TRPS1: variants seen among roughly 807,000 people sequenced by gnomAD.
TRPS1 encodes transcriptional repressor GATA binding 1, also known as zinc finger transcription factor Trps1.
Under a neutral mutation model 101.2 loss-of-function variants are expected in TRPS1, and 6 were observed. The observed-to-expected ratio is 0.06, with a 90% CI of 0.03 to 0.12. TRPS1 has a LOEUF of 0.12. TRPS1 is among the 10% of genes least tolerant of loss of function. The pLI, the probability that TRPS1 is intolerant of heterozygous loss-of-function variation, is 1.00. For missense variants in TRPS1, 1,363 were observed against 1,567.0 expected (o/e 0.87, Z 2.20); for synonymous variants, 578 against 589.8 (o/e 0.98, Z 0.29).
At chr8:115,635,890 A>G (rs1228962109) in intron 1 of TRPS1, among the ~76,000 whole-genome samples, 1 of 152,240 alleles carries the variant, frequency 6.6e-6, no homozygotes, top group Non-Finnish European at 1.5e-5. Context: ...TCCTGAAAAC[A>G]TTAGATAATA....
chr8:115,583,934 T>C (rs1260541519), intron 5 of TRPS1, among the ~76,000 whole-genome samples: 1 of 152,024 alleles, frequency 6.6e-6, no homozygotes, highest in Non-Finnish European at 1.5e-5. Context: ...CTAATGTTAA[T>C]GAAGAGAACA....
intron 5 of TRPS1, among the ~76,000 whole-genome samples, chr8:115,478,540 A>T (rs1814662684): frequency 6.6e-6 from 1 of 152,172 alleles, no homozygotes; most frequent in Non-Finnish European, 1.5e-5. Flanking sequence ...ACAGTGGCTC[A>T]TGCCTGTAAT....
intron 5 of TRPS1, among the ~76,000 whole-genome samples, chr8:115,562,373 T>C (rs1370187208): frequency 6.6e-6 from 1 of 152,068 alleles, no homozygotes; most frequent in African/African-American, 2.4e-5. Context: ...TTAAAGAAGT[T>C]GTTTATTTAA....
At chr8:115,455,576 A>C (rs1159292043) in intron 5 of TRPS1, among the ~76,000 whole-genome samples, 4 of 152,140 alleles carry the variant, frequency 2.6e-5, no homozygotes, top group Non-Finnish European at 4.4e-5. Flanking sequence ...GTGTACATCA[A>C]TGCGTTATTC....
intron 3 of TRPS1, among the ~76,000 whole-genome samples, chr8:115,616,047 T>C (rs1055139823): frequency 6.6e-6 from 1 of 152,168 alleles, no homozygotes; most frequent in Non-Finnish European, 1.5e-5. Flanking sequence ...TGGTAAAGAA[T>C]TTACATGTCT....
At chr8:115,644,892 T>G (rs978379366) in intron 1 of TRPS1, among the ~76,000 whole-genome samples, 4 of 152,128 alleles carry the variant, frequency 2.6e-5, no homozygotes, top group Non-Finnish European at 2.9e-5. Flanking sequence ...AGCCAGACAG[T>G]GGAGCACTCA....
chr8:115,466,778 T>C (rs1011116934), intron 5 of TRPS1, among the ~76,000 whole-genome samples: 1 of 152,130 alleles, frequency 6.6e-6, no homozygotes, highest in East Asian at 1.9e-4. Flanking sequence ...CCTTTGCAAA[T>C]TCTAAAAATA....
chr8:115,451,703 C>A (rs1370250203), intron 5 of TRPS1, among the ~76,000 whole-genome samples: 1 of 152,168 alleles, frequency 6.6e-6, no homozygotes, highest in African/African-American at 2.4e-5. Context: ...GCACAAGATA[C>A]CCTTTGCAGA....
At chr8:115,663,185 G>A (rs1316842403) in intron 1 of TRPS1, among the ~76,000 whole-genome samples, 1 of 150,270 alleles carries the variant, frequency 6.7e-6, no homozygotes, top group Non-Finnish European at 1.5e-5. Context: ...TGAAAAACAA[G>A]AATAAAAATA....
intron 5 of TRPS1, among the ~76,000 whole-genome samples, chr8:115,542,552 G>A (rs1816478667): frequency 1.3e-5 from 2 of 152,006 alleles, no homozygotes; most frequent in African/African-American, 2.4e-5. Context: ...AAATAAAGAC[G>A]GGGAGATGGG....
rs562780596 is a variant in TRPS1 at position 115,418,944 on chromosome 8, G to T, written c.2701-492C>A. On this transcript the variant is annotated intron_variant, in intron 5 of 6. Transcript: ENST00000395715. This position sits in a 1 kb window ranked among gnomAD's most constrained non-coding sequence, Gnocchi z 4.3. ...GTCATTCATGTAACGTAAGTATTAC[G>T]AGAATATAAGACACTCAATTCTGGT... Among the ~76,000 whole-genome samples the T allele has an allele frequency of 1.3e-5, 2 of 152,106 alleles. No homozygotes were observed. Among genetic ancestry groups the T allele is most frequent in the Admixed American group, 6.5e-5 (1 of 15,276 alleles).
At position 115,418,369 on chromosome 8, in the gene TRPS1, A is replaced by G; in HGVS notation, c.2784T>C (p.Tyr928=). Residue 928 remains tyrosine, a synonymous_variant, in exon 6 of 7, where the codon TAT becomes TAC. Transcript: ENST00000395715. This position sits in a 1 kb window ranked among gnomAD's most constrained non-coding sequence, Gnocchi z 4.3. The part of the protein sequence containing the change: ...SLWRKNANGG[Y]VCNACGLYQK... ...GGTAGAGGCCACACGCGTTGCATAC[A>G]TATCCGCCATTTGCATTCTTTCGCC... 1 of 1,614,150 alleles carries G rather than the reference A, an allele frequency of 6.2e-7. No homozygotes were observed. Among genetic ancestry groups the G allele is most frequent in the Non-Finnish European group, 8.5e-7 (1 of 1,180,004 alleles).
intron 5 of TRPS1, among the ~76,000 whole-genome samples, chr8:115,579,295 T>C (rs1817390917): frequency 6.6e-6 from 1 of 152,122 alleles, no homozygotes; most frequent in African/African-American, 2.4e-5. Flanking sequence ...CAGATTTTCT[T>C]TTCTTCATTA....
chr8:115,524,272 A>G (rs2130240109), intron 5 of TRPS1, among the ~76,000 whole-genome samples: 1 of 151,002 alleles, frequency 6.6e-6, no homozygotes, highest in South Asian at 2.1e-4. Context: ...ATAACATAAA[A>G]CACTCACAAT....
At chr8:115,553,884 T>G (rs1411878302) in intron 5 of TRPS1, among the ~76,000 whole-genome samples, 1 of 152,184 alleles carries the variant, frequency 6.6e-6, no homozygotes, top group Non-Finnish European at 1.5e-5. Context: ...GTGGAGTTCA[T>G]GATATTCCTC....
intron 5 of TRPS1, among the ~76,000 whole-genome samples, chr8:115,571,612 A>G (rs1051348097): frequency 3.9e-5 from 6 of 152,180 alleles, no homozygotes; most frequent in Non-Finnish European, 7.4e-5. Flanking sequence ...TAACAGTGTT[A>G]GCGATTAAAC....
rs1008038932 is a variant in TRPS1, at chr8:115,439,545, A to G, written c.2701-21093T>C. ...ACTGGTAAAACTAAAATTTATTTTA[A>G]TAGTGAAAAAGTTACATTTAAAGAG... On this transcript the variant is annotated intron_variant, in intron 5 of 6. Transcript: ENST00000395715. Among the ~76,000 whole-genome samples the G allele has an allele frequency of 3.9e-5, 6 of 152,222 alleles. No homozygotes were observed. In the South Asian group the frequency reaches 6.2e-4, roughly 16 times the overall value.
intron 5 of TRPS1, among the ~76,000 whole-genome samples, chr8:115,564,460 AG>A (rs1417304305): frequency 1.3e-5 from 2 of 152,128 alleles, no homozygotes; most frequent in East Asian, 3.9e-4. Flanking sequence ...CTGATGACAC[AG>A]GTCTATTTAT....
chr8:115,627,309 C>T (rs1182982898), intron 1 of TRPS1, among the ~76,000 whole-genome samples: 3 of 151,616 alleles, frequency 2.0e-5, no homozygotes, highest in Non-Finnish European at 4.4e-5. Context: ...GTAGTTTTTC[C>T]TTTTGTTTTC....
Sources: allele counts gnomAD v4.1 joint callset (sites outside exome capture counted in the v4.1 genomes callset), GRCh38; gene constraint gnomAD v4.1.1; non-coding constraint Gnocchi (gnomAD v3.1); transcripts MANE v1.5; gene names NCBI Gene and HGNC (gene_info 2026-07-23, HGNC 2026-07-21).